Variants in NEGR1 observed in about 807,000 individuals in gnomAD.
The protein encoded by NEGR1 is neuronal growth regulator 1.
NEGR1 carries 10 observed loss-of-function variants against 40.9 expected under a neutral mutation model. That is an observed-to-expected ratio of 0.24 (90% CI 0.15 to 0.42). The LOEUF (loss-of-function observed/expected upper bound fraction) is 0.42, where lower values mean the gene tolerates loss of function less well. Among genes scored for constraint, NEGR1 ranks in the 10% least tolerant of loss-of-function variants. NEGR1 has a pLI of 1.00. For missense variants in NEGR1, 352 were observed against 438.9 expected (o/e 0.80, Z 1.77); for synonymous variants, 185 against 166.8 (o/e 1.11, Z -0.84).
At chr1:71,841,258 A>G (rs1261896777) in intron 2 of NEGR1, among the ~76,000 whole-genome samples, 1 of 152,190 alleles carries the variant, frequency 6.6e-6, no homozygotes, top group African/African-American at 2.4e-5. Flanking sequence ...TAATTTTCAA[A>G]TATAAATTTA....
chr1:71,790,580 A>G (rs2101734635), intron 2 of NEGR1, among the ~76,000 whole-genome samples: 1 of 152,204 alleles, frequency 6.6e-6, no homozygotes, highest in Non-Finnish European at 1.5e-5. Context: ...ATTTGTTCTC[A>G]GTTGATCTAG....
At chr1:71,631,038 C>A (rs1410299226) in intron 4 of NEGR1, among the ~76,000 whole-genome samples, 1 of 151,810 alleles carries the variant, frequency 6.6e-6, no homozygotes, top group East Asian at 1.9e-4. Context: ...ACTTTTACAC[C>A]AGCATTCACT....
chr1:71,617,546 G>C (rs1232746988), intron 4 of NEGR1, among the ~76,000 whole-genome samples: 1 of 152,166 alleles, frequency 6.6e-6, no homozygotes, highest in Non-Finnish European at 1.5e-5. Flanking sequence ...ATTTTGTGTT[G>C]GTATATGCAT....
At chr1:71,983,108 C>A (rs1301690732) in intron 1 of NEGR1, among the ~76,000 whole-genome samples, 1 of 152,016 alleles carries the variant, frequency 6.6e-6, no homozygotes, top group African/African-American at 2.4e-5. Context: ...ATACAGAAAA[C>A]AACATGGGTC....
chr1:71,810,950 G>C (rs539701133), intron 2 of NEGR1, among the ~76,000 whole-genome samples: 30 of 152,244 alleles, frequency 2.0e-4, no homozygotes, highest in African/African-American at 7.0e-4. Flanking sequence ...TAATGGATCT[G>C]TTAATTCTTG....
At chr1:71,895,346 A>G (rs1433605159) in intron 2 of NEGR1, among the ~76,000 whole-genome samples, 1 of 152,168 alleles carries the variant, frequency 6.6e-6, no homozygotes, top group Non-Finnish European at 1.5e-5. Context: ...CACAAAATTT[A>G]CCATTTTGTG....
chr1:71,482,093 G>C (rs1309665625), intron 6 of NEGR1, among the ~76,000 whole-genome samples: 1 of 151,744 alleles, frequency 6.6e-6, no homozygotes, highest in Non-Finnish European at 1.5e-5. Flanking sequence ...ACTGAAACAA[G>C]AGCAATGAAG....
At chr1:71,492,810 G>A (rs898023119) in intron 6 of NEGR1, among the ~76,000 whole-genome samples, 9 of 152,110 alleles carry the variant, frequency 5.9e-5, no homozygotes, top group Admixed American at 1.3e-4. Flanking sequence ...GATAAGTGCC[G>A]TAACAAAAAT....
chr1:71,670,748 T>C (rs1169574928), intron 4 of NEGR1, among the ~76,000 whole-genome samples: 1 of 151,614 alleles, frequency 6.6e-6, no homozygotes, highest in Admixed American at 6.6e-5. Context: ...TCTCCTCAGC[T>C]CTGGAAAAAT....
intron 1 of NEGR1, chr1:72,275,085 C>A (rs1486853718): frequency 3.2e-6 from 3 of 951,864 alleles, no homozygotes; most frequent in East Asian, 4.8e-5. Context: ...CCAGTGACCT[C>A]CTGATACCGA....
intron 1 of NEGR1, among the ~76,000 whole-genome samples, chr1:72,028,373 C>G (rs1256912330): frequency 6.6e-6 from 1 of 152,172 alleles, no homozygotes; most frequent in African/African-American, 2.4e-5. Context: ...GGCTTTCACA[C>G]AAAACATCTA....
At chr1:72,103,421 C>T (rs1257765211) in intron 1 of NEGR1, among the ~76,000 whole-genome samples, 1 of 152,052 alleles carries the variant, frequency 6.6e-6, no homozygotes, top group Non-Finnish European at 1.5e-5. Flanking sequence ...ACTTTACATT[C>T]TGTCTCCCAC....
intron 1 of NEGR1, among the ~76,000 whole-genome samples, chr1:71,985,842 T>C (rs1021475128): frequency 1.3e-5 from 2 of 152,186 alleles, no homozygotes; most frequent in African/African-American, 4.8e-5. Flanking sequence ...CATTCTCTAA[T>C]TGGTAGACAA....
chr1:71,960,296 G>C (rs1391749638), intron 1 of NEGR1, among the ~76,000 whole-genome samples: 2 of 152,086 alleles, frequency 1.3e-5, no homozygotes, highest in Non-Finnish European at 2.9e-5. Flanking sequence ...AAAAAATTGT[G>C]TTTGCCCTGG....
chr1:71,735,359 C>T (rs1248938770), intron 3 of NEGR1, among the ~76,000 whole-genome samples: 1 of 152,044 alleles, frequency 6.6e-6, no homozygotes, highest in East Asian at 1.9e-4. Context: ...CCACCACTAA[C>T]TGTAAGCTGT....
intron 6 of NEGR1, chr1:71,408,804 T>C: frequency 6.6e-6 from 1 of 152,038 alleles, no homozygotes; most frequent in Admixed American, 6.6e-5. Context: ...ATTTCTAAAT[T>C]TATAACTCAA....
intron 1 of NEGR1, among the ~76,000 whole-genome samples, chr1:72,191,309 G>A (rs529918590): frequency 2.6e-5 from 4 of 151,654 alleles, no homozygotes; most frequent in South Asian, 2.1e-4. Context: ...TCTCAACATC[G>A]TTTCTATGTG....
At chr1:71,627,733 A>G (rs1650833555) in intron 4 of NEGR1, among the ~76,000 whole-genome samples, 1 of 152,176 alleles carries the variant, frequency 6.6e-6, no homozygotes, top group South Asian at 2.1e-4. Flanking sequence ...TACTTGGAGT[A>G]GAGTTTTCCA....
At chr1:72,098,039 T>C (rs1648776727) in intron 1 of NEGR1, among the ~76,000 whole-genome samples, 1 of 152,214 alleles carries the variant, frequency 6.6e-6, no homozygotes, top group Non-Finnish European at 1.5e-5. Flanking sequence ...TCTTAATATT[T>C]GTCTGTGTTG....
Sources: allele counts gnomAD v4.1 joint callset (sites outside exome capture counted in the v4.1 genomes callset), GRCh38; gene constraint gnomAD v4.1.1; transcripts MANE v1.5; gene names NCBI Gene and HGNC (gene_info 2026-07-23, HGNC 2026-07-21).